MANEA: variants seen among roughly 807,000 people sequenced by gnomAD.
The protein encoded by MANEA is mannosidase endo-alpha.
A neutral mutation model predicts 36.8 loss-of-function variants in MANEA; 25 were observed. The observed-to-expected ratio is 0.68, with a 90% CI of 0.50 to 0.95. The LOEUF is 0.95. Among genes scored for constraint, MANEA ranks in the 40% least tolerant of loss-of-function variants. MANEA has a pLI of 0.00. For synonymous variants in MANEA, 198 were observed against 188.5 expected, an observed-to-expected ratio of 1.05 and a Z score of -0.41; for missense variants, 565 against 558.8, an observed-to-expected ratio of 1.01 and a Z score of -0.11.
rs148222739 is a variant in MANEA at position 95,586,591 on chromosome 6, G to A, written c.152G>A (p.Arg51Gln). The change falls in exon 2 of 5, where the codon CGA (arginine) becomes CAA (glutamine). Residue 51 changes from arginine to glutamine, a missense_variant. Physicochemically the swap from Arg to Gln is conservative, Grantham distance 43 (BLOSUM62 1). Transcript: ENST00000358812. The part of the protein sequence containing the change: ...GLDLLPELHQ[R>Q]TIHLGKNFDF... ...GACCTTCTTCCAGAACTTCATCAAC[G>A]AACTATTCATTTGGGGAAAAATTTT... is the stretch of plus-strand genomic sequence containing the variant. 2.5e-4 allele frequency: 405 copies of A among 1,613,744 alleles called. No individual in the cohort carries two copies. The highest frequency in any genetic ancestry group is 5.2e-4 in the Admixed American group (31 of 59,990).
At chr6:95,595,147 T>G (rs954924896) in intron 2 of MANEA, among the ~76,000 whole-genome samples, 1 of 152,212 alleles carries the variant, frequency 6.6e-6, no homozygotes, top group Non-Finnish European at 1.5e-5. Flanking sequence ...TTTAATATTT[T>G]TTCTTATTTT....
In MANEA at chr6:95,605,945, A is replaced by T; in HGVS notation, c.929A>T (p.Tyr310Phe). 6.2e-7 allele frequency: 1 copy of T among 1,613,938 alleles called. No individual in the cohort carries two copies. Among genetic ancestry groups the T allele is most frequent in the Non-Finnish European group, 8.5e-7 (1 of 1,179,894 alleles). The part of the protein sequence containing the change: ...IALLVEEKHK[Y>F]DILQSGFDGI... The stretch of plus-strand genomic sequence containing the variant: ...CTTCTGGTAGAAGAAAAACATAAGT[A>T]TGATATTCTTCAAAGTGGTTTTGAT... Residue 310 changes from tyrosine to phenylalanine, a missense_variant, in exon 5 of 5, where the codon TAT (tyrosine) becomes TTT (phenylalanine). By Grantham distance (22) the Tyr-to-Phe change is conservative. Coordinates refer to ENST00000358812, the MANE Select transcript of MANEA (RefSeq NM_024641.4).
chr6:95,604,050 A>T (rs1562200990), intron 3 of MANEA, among the ~76,000 whole-genome samples: 1 of 81,748 alleles, frequency 1.2e-5, no homozygotes, highest in African/African-American at 4.1e-5. Flanking sequence ...GTGTGCGTAT[A>T]TATGTATGTA....
At position 95,584,771 on chromosome 6, in the gene MANEA, G is replaced by A. The variant is rs572155656; in HGVS notation, c.-38-1631G>A. 7.0e-4 allele frequency among the ~76,000 whole-genome samples: 107 copies of A among 152,230 alleles called. 2 individuals are homozygous for A. The highest frequency in any genetic ancestry group is 3.9e-3 in the South Asian group (19 of 4,826). On this transcript the variant is annotated intron_variant, in intron 1 of 4. Coordinates refer to ENST00000358812, the MANE Select transcript of MANEA (RefSeq NM_024641.4). Reference sequence around the variant, plus strand: ...CTCAGGTGGGCATCATGGTCCTACCGATATGTGATGTCACCCCCGGTGGCC... The same window carrying A: ...CTCAGGTGGGCATCATGGTCCTACCAATATGTGATGTCACCCCCGGTGGCC...
chr6:95,603,463 A>G (rs1364328912), intron 3 of MANEA, among the ~76,000 whole-genome samples: 1 of 152,148 alleles, frequency 6.6e-6, no homozygotes, highest in Non-Finnish European at 1.5e-5. Flanking sequence ...ATATGCTGCA[A>G]AAATTAATTT....
chr6:95,585,116 G>T (rs1769255972), intron 1 of MANEA, among the ~76,000 whole-genome samples: 1 of 144,944 alleles, frequency 6.9e-6, no homozygotes, highest in South Asian at 2.3e-4. Context: ...TGGTGTATAT[G>T]TACCTATATA....
In MANEA at chr6:95,586,993, G is replaced by T; in HGVS notation, c.544+10G>T. 1 of 1,302,380 alleles carries T rather than the reference G, an allele frequency of 7.7e-7. No homozygotes were observed. The highest frequency in any genetic ancestry group is 1.1e-6 in the Non-Finnish European group (1 of 923,356). The allele number at this position is 1,302,380 out of a possible 1,614,324, so 80.7% of individuals were successfully genotyped here. ...CGCTCAGCTTCAATTGGTAATTATT[G>T]TATATATATATATGTGTGTTTGTGT... is the stretch of plus-strand genomic sequence containing the variant. On this transcript the variant is annotated intron_variant, in intron 2 of 4. Coordinates refer to ENST00000358812, the MANE Select transcript of MANEA (RefSeq NM_024641.4).
chr6:95,606,260 T>C lies in MANEA; in HGVS notation c.1244T>C (p.Val415Ala). 1.2e-6 allele frequency: 2 copies of C among 1,613,826 alleles called. No individual in the cohort carries two copies. The highest frequency in any genetic ancestry group is 1.7e-5 in the Admixed American group (1 of 59,988). Residue 415 changes from valine (V) to alanine (A), a missense_variant, in exon 5 of 5, where the codon GTT (valine) becomes GCT (alanine). Coordinates refer to ENST00000358812, the MANE Select transcript of MANEA (RefSeq NM_024641.4). ...WHEGTQIEKA[V>A]PKRTSNTVYL... The stretch of plus-strand genomic sequence containing the variant: ...GAAGGAACTCAGATTGAAAAAGCTG[T>C]TCCCAAAAGAACCAGTAATACAGTG...
intron 1 of MANEA, among the ~76,000 whole-genome samples, chr6:95,583,950 A>G (rs1769232224): frequency 6.6e-6 from 1 of 152,182 alleles, no homozygotes; most frequent in Non-Finnish European, 1.5e-5. Flanking sequence ...GTGGGAAGTC[A>G]GGGACCCCGA....
At chr6:95,604,061 G>GTGTGTGT (rs1769656129) in intron 3 of MANEA, among the ~76,000 whole-genome samples, 1 of 138,320 alleles carries the variant, frequency 7.2e-6, no homozygotes, top group Non-Finnish European at 1.6e-5. Context: ...TATGTATGTA[G>GTGTGTGT]GTGTGTGTGT....
chr6:95,602,406 G>C (rs1043584618), intron 3 of MANEA, among the ~76,000 whole-genome samples: 4 of 152,142 alleles, frequency 2.6e-5, no homozygotes, highest in Admixed American at 1.3e-4. Flanking sequence ...GTTGTGGCAG[G>C]GGATAGGGGA....
At chr6:95,603,686 A>G (rs2127945499) in intron 3 of MANEA, among the ~76,000 whole-genome samples, 1 of 152,230 alleles carries the variant, frequency 6.6e-6, no homozygotes, top group East Asian at 1.9e-4. Context: ...AGTTCCATAA[A>G]TACATCATAG....
At chr6:95,580,498 G>C (rs1048443119) in intron 1 of MANEA, among the ~76,000 whole-genome samples, 1 of 152,012 alleles carries the variant, frequency 6.6e-6, no homozygotes, top group Non-Finnish European at 1.5e-5. Context: ...GGCAGAGGCG[G>C]GTGGATCACG....
At chr6:95,588,504 C>T (rs566835601) in intron 2 of MANEA, among the ~76,000 whole-genome samples, 11 of 151,952 alleles carry the variant, frequency 7.2e-5, no homozygotes, top group Middle Eastern at 3.4e-3. Flanking sequence ...ACAGCATTGA[C>T]TTCTGTGTGG....
chr6:95,584,388 C>T (rs1769240004), intron 1 of MANEA, among the ~76,000 whole-genome samples: 1 of 152,108 alleles, frequency 6.6e-6, no homozygotes, highest in South Asian at 2.1e-4. Context: ...GAATTGCATT[C>T]CTCGGGGGAG....
intron 2 of MANEA, among the ~76,000 whole-genome samples, chr6:95,595,338 A>T (rs1053411530): frequency 1.3e-5 from 2 of 152,106 alleles, no homozygotes; most frequent in Admixed American, 1.3e-4. Context: ...TCTCACCAGC[A>T]TTTCTCTCTA....
At chr6:95,588,664 C>T (rs1769332028) in intron 2 of MANEA, among the ~76,000 whole-genome samples, 1 of 151,768 alleles carries the variant, frequency 6.6e-6, no homozygotes, top group Non-Finnish European at 1.5e-5. Context: ...AAAAACTATG[C>T]TAGATTGACA....
chr6:95,591,603 T>C (rs1340658396), intron 2 of MANEA, among the ~76,000 whole-genome samples: 1 of 152,134 alleles, frequency 6.6e-6, no homozygotes, highest in Non-Finnish European at 1.5e-5. Context: ...TACTTGTTAC[T>C]CCTGTTATTT....
chr6:95,586,668 A>C lies in MANEA; in HGVS notation c.229A>C (p.Lys77Gln), dbSNP rs1386533717. Residue 77 changes from lysine to glutamine, a missense_variant, in exon 2 of 5, where the codon AAA becomes CAA. Physicochemically the swap from Lys to Gln is moderately conservative, Grantham distance 53 (BLOSUM62 1). Transcript: ENST00000358812. ...INSETNTKNL[K>Q]SVEITMKPSK... ...CAGTGAAACAAATACCAAGAATTTA[A>C]AAAGTGTTGAAATCACTATGAAACC... is the stretch of plus-strand genomic sequence containing the variant. 14 of 1,613,984 alleles carry C rather than the reference A, an allele frequency of 8.7e-6. No individual in the cohort carries two copies. The highest frequency in any genetic ancestry group is 1.1e-5 in the Non-Finnish European group (13 of 1,179,992).
Sources: allele counts gnomAD v4.1 joint callset (sites outside exome capture counted in the v4.1 genomes callset), GRCh38; gene constraint gnomAD v4.1.1; transcripts MANE v1.5; gene names NCBI Gene and HGNC (gene_info 2026-07-23, HGNC 2026-07-21).